PLEKHA7: variants seen among roughly 807,000 people sequenced by gnomAD.
PLEKHA7 encodes the protein pleckstrin homology domain-containing family A member 7.
In PLEKHA7, 104 loss-of-function variants were observed where a neutral mutation model predicts 170.0. That is an observed-to-expected ratio of 0.61 (90% CI 0.52 to 0.72). The LOEUF is 0.72. PLEKHA7 is among the 30% of genes least tolerant of loss of function. The probability of loss-of-function intolerance (pLI) is 0.00; values close to 1 mark genes in which losing one functional copy is unlikely to be tolerated. For missense variants in PLEKHA7, 1,615 were observed against 1,671.7 expected, an observed-to-expected ratio of 0.97 and a Z score of 0.59; for synonymous variants, 648 against 660.8, an observed-to-expected ratio of 0.98 and a Z score of 0.30.
Position 16,791,378 on chromosome 11 carries a change from T to C in PLEKHA7, c.2746-179A>G, listed in dbSNP as rs1590130376. 1 of 626,126 alleles carries C rather than the reference T, an allele frequency of 1.6e-6. No individual in the cohort carries two copies. The highest frequency in any genetic ancestry group is 2.8e-6 in the Non-Finnish European group (1 of 354,630). The allele number at this position is 626,126 out of a possible 1,614,324, so 38.8% of individuals were successfully genotyped here. A position where few individuals can be genotyped will look rare whatever the true frequency, so the allele number is the denominator to read the frequency against. ...CTGGCGGAGCAGTGAAGAAGGGACATGCTCTGCTCCTCTATCCCCTCAGAG... is the reference window on the plus strand; with the variant it reads ...CTGGCGGAGCAGTGAAGAAGGGACACGCTCTGCTCCTCTATCCCCTCAGAG... On this transcript the variant is annotated intron_variant, in intron 19 of 26. Coordinates refer to ENST00000531066, the MANE Select transcript of PLEKHA7 (RefSeq NM_001329630.2). The surrounding 1 kb of genome is among the most constrained non-coding windows in gnomAD (Gnocchi z 4.5).
At chr11:16,932,946 G>A (rs1860044684) in intron 3 of PLEKHA7, among the ~76,000 whole-genome samples, 1 of 152,104 alleles carries the variant, frequency 6.6e-6, no homozygotes, top group Non-Finnish European at 1.5e-5. Flanking sequence ...TAGGGGAGTC[G>A]GGTTAGCCTT....
intron 3 of PLEKHA7, among the ~76,000 whole-genome samples, chr11:16,944,631 T>C (rs184793419): frequency 2.4e-4 from 37 of 152,152 alleles, no homozygotes; most frequent in South Asian, 1.5e-3. Flanking sequence ...ATTCACTGAA[T>C]TGGACTGCTG....
chr11:16,969,918 A>T (rs1590748103), intron 3 of PLEKHA7, among the ~76,000 whole-genome samples: 1 of 152,298 alleles, frequency 6.6e-6, no homozygotes, highest in Non-Finnish European at 1.5e-5. Context: ...ACTAGTACAT[A>T]CACTATTAAG....
chr11:17,009,875 C>A (rs1045827355), intron 3 of PLEKHA7, among the ~76,000 whole-genome samples: 1 of 152,080 alleles, frequency 6.6e-6, no homozygotes, highest in Non-Finnish European at 1.5e-5. Flanking sequence ...GTGATCCCCT[C>A]GCCTCCGCCT....
intron 3 of PLEKHA7, among the ~76,000 whole-genome samples, chr11:16,985,081 AC>A (rs1565180972): frequency 1.3e-5 from 2 of 152,112 alleles, no homozygotes; most frequent in Non-Finnish European, 2.9e-5. Context: ...GCACCTCCTC[AC>A]CCTGTCTGCA....
intron 3 of PLEKHA7, among the ~76,000 whole-genome samples, chr11:16,925,837 A>C: frequency 6.6e-6 from 1 of 152,362 alleles, no homozygotes. Flanking sequence ...CCGTTCGGCC[A>C]GGACGGCGCG....
intron 3 of PLEKHA7, among the ~76,000 whole-genome samples, chr11:16,941,335 A>G (rs1860681064): frequency 6.6e-6 from 1 of 152,184 alleles, no homozygotes; most frequent in Non-Finnish European, 1.5e-5. Context: ...GAGACTCATT[A>G]TCTATCTTTG....
At chr11:16,879,221 C>T (rs150508949) in intron 3 of PLEKHA7, among the ~76,000 whole-genome samples, 10 of 152,300 alleles carry the variant, frequency 6.6e-5, no homozygotes, top group Non-Finnish European at 1.2e-4. Context: ...GTTCTCCTCC[C>T]TGTCCCCTCC....
chr11:16,930,289 C>T (rs12417812), intron 3 of PLEKHA7, among the ~76,000 whole-genome samples: 3,081 of 151,704 alleles, frequency 0.02, 47 homozygotes, highest in Non-Finnish European at 0.034. Flanking sequence ...TTTCTCAAAA[C>T]AGTATAGGTA....
intron 9 of PLEKHA7, among the ~76,000 whole-genome samples, chr11:16,838,888 G>C (rs145672873): frequency 6.6e-6 from 1 of 151,878 alleles, no homozygotes; most frequent in Non-Finnish European, 1.5e-5. Context: ...GGGTTTCACC[G>C]TGTTAGCCAG....
chr11:16,783,388 G>A (rs991867122), intron 25 of PLEKHA7, among the ~76,000 whole-genome samples: 8 of 152,310 alleles, frequency 5.3e-5, no homozygotes, highest in Non-Finnish European at 8.8e-5. Context: ...GATCTCCAAC[G>A]GGGTCCACTT....
At chr11:16,922,933 G>A (rs962929508) in intron 3 of PLEKHA7, among the ~76,000 whole-genome samples, 1 of 152,170 alleles carries the variant, frequency 6.6e-6, no homozygotes, top group Non-Finnish European at 1.5e-5. Flanking sequence ...GCTCCATCCA[G>A]TGCAGACATT....
At chr11:16,814,949 G>C (rs952093043) in intron 12 of PLEKHA7, among the ~76,000 whole-genome samples, 1 of 152,182 alleles carries the variant, frequency 6.6e-6, no homozygotes, top group Non-Finnish European at 1.5e-5. Flanking sequence ...CCAGAGAAGC[G>C]ACAGTTTAGG....
chr11:16,821,828 G>A (rs10832688), intron 10 of PLEKHA7, among the ~76,000 whole-genome samples: 93,123 of 152,014 alleles, frequency 0.61, 28,913 homozygotes, highest in East Asian at 0.75. Flanking sequence ...TTTCTGTTCT[G>A]TCTTCTGCCT....
At chr11:16,893,955 T>A (rs1316041690) in intron 3 of PLEKHA7, among the ~76,000 whole-genome samples, 1 of 152,210 alleles carries the variant, frequency 6.6e-6, no homozygotes, top group African/African-American at 2.4e-5. Flanking sequence ...GTGTTGATGC[T>A]GTACTGAATC....
intron 3 of PLEKHA7, among the ~76,000 whole-genome samples, chr11:16,941,278 A>G (rs1351531773): frequency 6.6e-6 from 1 of 152,196 alleles, no homozygotes; most frequent in African/African-American, 2.4e-5. Context: ...ATCCCTTTAT[A>G]ATATCCCTGC....
intron 9 of PLEKHA7, among the ~76,000 whole-genome samples, chr11:16,830,759 A>G (rs1851042016): frequency 6.6e-6 from 1 of 152,206 alleles, no homozygotes; most frequent in Non-Finnish European, 1.5e-5. Flanking sequence ...GAGAGTAGCA[A>G]AGAAAATAGC....
At chr11:16,794,856 C>A in intron 18 of PLEKHA7, 54 bp downstream of exon 18, 2 of 1,531,384 alleles carry the variant, frequency 1.3e-6, no homozygotes, top group South Asian at 1.1e-5. Flanking sequence ...TTCCACCCTC[C>A]CACCACCCTG....
At chr11:16,891,070 C>CTCTATTCTATTCTAT (rs147769098) in intron 3 of PLEKHA7, among the ~76,000 whole-genome samples, 1,796 of 149,880 alleles carry the variant, frequency 0.012, 16 homozygotes, top group Middle Eastern at 0.017. Flanking sequence ...GACTATTATT[C>CTCTATTCTATTCTAT]TCTATTCTAT....
Sources: gnomAD v4.1 joint callset for allele counts (sites outside exome capture counted in the v4.1 genomes callset) on GRCh38, gnomAD v4.1.1 for gene constraint, Gnocchi (gnomAD v3.1) non-coding constraint, MANE v1.5 for transcripts, NCBI Gene and HGNC (gene_info 2026-07-23, HGNC 2026-07-21) for gene names.